LMX1A: variants seen among roughly 807,000 people sequenced by gnomAD.
LMX1A encodes LIM homeobox transcription factor 1-alpha.
Under a neutral mutation model 49.1 loss-of-function variants are expected in LMX1A, and 15 were observed. The observed-to-expected ratio is 0.31, with a 90% confidence interval of 0.20 to 0.47. LMX1A has a LOEUF of 0.47. Among genes scored for constraint, LMX1A ranks in the 20% least tolerant of loss-of-function variants. LMX1A has a pLI of 1.00. For missense variants in LMX1A, 372 were observed against 475.8 expected, an observed-to-expected ratio of 0.78 and a Z score of 2.03; for synonymous variants, 167 against 185.7, an observed-to-expected ratio of 0.90 and a Z score of 0.82.
chr1:165,309,071 A>C (rs1654999784), intron 3 of LMX1A, among the ~76,000 whole-genome samples: 1 of 152,082 alleles, frequency 6.6e-6, no homozygotes, highest in African/African-American at 2.4e-5. Context: ...GTCCTGAGTC[A>C]AGACATTCCT....
chr1:165,293,954 A>T (rs1423981056), intron 3 of LMX1A, among the ~76,000 whole-genome samples: 1 of 152,238 alleles, frequency 6.6e-6, no homozygotes, highest in Non-Finnish European at 1.5e-5. Flanking sequence ...CATATGCTGG[A>T]TACTAAGGAA....
chr1:165,284,633 T>C (rs1429748056), intron 3 of LMX1A, among the ~76,000 whole-genome samples: 1 of 152,242 alleles, frequency 6.6e-6, no homozygotes, highest in Non-Finnish European at 1.5e-5. Flanking sequence ...GATTAGAATA[T>C]GCCCACAGGG....
At chr1:165,335,689 T>A (rs1386531205) in intron 3 of LMX1A, among the ~76,000 whole-genome samples, 1 of 152,208 alleles carries the variant, frequency 6.6e-6, no homozygotes, top group Non-Finnish European at 1.5e-5. Context: ...ATGTACCAAA[T>A]AAATACTGGA....
At chr1:165,240,278 C>T (rs1420756166) in intron 4 of LMX1A, among the ~76,000 whole-genome samples, 2 of 151,760 alleles carry the variant, frequency 1.3e-5, no homozygotes, top group African/African-American at 4.8e-5. Flanking sequence ...TATTTCTTCA[C>T]AAATATGTTT....
chr1:165,292,515 C>T lies in LMX1A; in HGVS notation c.264-42875G>A, dbSNP rs1293681001. 2.0e-5 allele frequency among the ~76,000 whole-genome samples: 3 copies of T among 152,122 alleles called. 1 individual carries two copies. Among genetic ancestry groups the T allele is most frequent in the African/African-American group, 7.2e-5 (3 of 41,428 alleles). ...TGGAGAAGAGCAGGTGGCTTCCAACCGGGAGGGTCACCTGTGCGGCAGGAT... is the reference window on the plus strand; with the variant it reads ...TGGAGAAGAGCAGGTGGCTTCCAACTGGGAGGGTCACCTGTGCGGCAGGAT... On this transcript the variant is annotated intron_variant, in intron 3 of 8. Coordinates refer to ENST00000342310, the MANE Select transcript of LMX1A (RefSeq NM_177398.4).
intron 4 of LMX1A, among the ~76,000 whole-genome samples, chr1:165,247,705 T>C (rs1193199644): frequency 6.6e-6 from 1 of 152,222 alleles, no homozygotes; most frequent in Non-Finnish European, 1.5e-5. Context: ...AGCACCCACA[T>C]TTATTGAACA....
At chr1:165,214,710 A>G (rs1304817999) in intron 4 of LMX1A, among the ~76,000 whole-genome samples, 1 of 152,244 alleles carries the variant, frequency 6.6e-6, no homozygotes, top group East Asian at 1.9e-4. Context: ...CCATAGAGAA[A>G]AGCATTAGAT....
chr1:165,348,609 C>CA, intron 3 of LMX1A, among the ~76,000 whole-genome samples: 2 of 152,156 alleles, frequency 1.3e-5, no homozygotes, highest in Middle Eastern at 3.4e-3. Context: ...TAAAGTAAAG[C>CA]AAAAATGTAA....
intron 4 of LMX1A, among the ~76,000 whole-genome samples, chr1:165,221,402 C>T (rs947318780): frequency 5.9e-5 from 9 of 152,092 alleles, no homozygotes; most frequent in African/African-American, 1.2e-4. Flanking sequence ...CCCCAACTCC[C>T]CCCAACTATC....
chr1:165,330,566 G>A (rs776310210), intron 3 of LMX1A, among the ~76,000 whole-genome samples: 12 of 152,274 alleles, frequency 7.9e-5, no homozygotes, highest in South Asian at 4.1e-4. Context: ...ATTACAAACC[G>A]TAGACAAAAT....
Position 165,355,455 on chromosome 1 carries a change from C to CACGCCAA in LMX1A, c.76+28_76+29insTTGGCGT. On this transcript the variant is annotated intron_variant, in intron 2 of 8. Transcript: ENST00000342310. The surrounding 1 kb of genome is among the most constrained non-coding windows in gnomAD (Gnocchi z 4.7). ...CTCAGCGCCAAGCGGAAAGAGAGTG[C>CACGCCAA]GCCCAGGACGCACGGCCTGAACACT... is the stretch of plus-strand genomic sequence containing the variant. 6.2e-7 allele frequency: 1 copy of CACGCCAA among 1,609,414 alleles called. No individual in the cohort carries two copies. The highest frequency in any genetic ancestry group is 2.2e-5 in the East Asian group (1 of 44,818).
chr1:165,242,942 A>AC (rs1557860827), intron 4 of LMX1A, among the ~76,000 whole-genome samples: 1 of 151,368 alleles, frequency 6.6e-6, no homozygotes, highest in Non-Finnish European at 1.5e-5. Context: ...AAAAAAAAAA[A>AC]AAAAACAAAA....
chr1:165,308,513 T>C (rs1379288515), intron 3 of LMX1A, among the ~76,000 whole-genome samples: 1 of 152,224 alleles, frequency 6.6e-6, no homozygotes, highest in African/African-American at 2.4e-5. Context: ...AGGAAAGACA[T>C]TGAATCTCTT....
In LMX1A at chr1:165,355,820, A is replaced by C; in HGVS notation, c.-22-239T>G. The C allele has an allele frequency of 2.0e-6, 1 of 499,110 alleles. No homozygotes were observed. The highest frequency in any genetic ancestry group is 2.9e-5 in the South Asian group (1 of 34,444). 30.9% of individuals were successfully genotyped at this position (499,110 alleles called of 1,614,324 possible). A position where few individuals can be genotyped will look rare whatever the true frequency, so the allele number is the denominator to read the frequency against. On this transcript the variant is annotated intron_variant, in intron 1 of 8. Transcript: ENST00000342310. The surrounding 1 kb of genome is among the most constrained non-coding windows in gnomAD (Gnocchi z 4.7). Reference sequence around the variant, plus strand: ...TTATGTACTTAGGCCTCCGCCCCCCAACTGCGTTTCTCCTTCTCCTGCCCC... The same window carrying C: ...TTATGTACTTAGGCCTCCGCCCCCCCACTGCGTTTCTCCTTCTCCTGCCCC...
At chr1:165,233,784 G>T (rs898679935) in intron 4 of LMX1A, among the ~76,000 whole-genome samples, 1 of 152,184 alleles carries the variant, frequency 6.6e-6, no homozygotes, top group Admixed American at 6.5e-5. Context: ...ATGGGCAGGT[G>T]CTTTGCCTGT....
intron 3 of LMX1A, among the ~76,000 whole-genome samples, chr1:165,270,851 T>C (rs949843870): frequency 2.0e-5 from 3 of 152,158 alleles, no homozygotes; most frequent in African/African-American, 7.2e-5. Flanking sequence ...GGATCCCGTA[T>C]CCCAATGCCT....
At chr1:165,236,929 TA>T (rs1652470288) in intron 4 of LMX1A, among the ~76,000 whole-genome samples, 1 of 151,590 alleles carries the variant, frequency 6.6e-6, no homozygotes, top group African/African-American at 2.4e-5. Flanking sequence ...AAGAATATAA[TA>T]TTGTTTATCC....
chr1:165,341,975 G>C (rs1328245199), intron 3 of LMX1A, among the ~76,000 whole-genome samples: 1 of 152,192 alleles, frequency 6.6e-6, no homozygotes, highest in Non-Finnish European at 1.5e-5. Flanking sequence ...AGTTGCTCAT[G>C]TGTTACCTGA....
chr1:165,326,423 T>C (rs988527358), intron 3 of LMX1A, among the ~76,000 whole-genome samples: 7 of 152,234 alleles, frequency 4.6e-5, no homozygotes, highest in African/African-American at 1.7e-4. Context: ...CTCTCTCTCC[T>C]GCTTTCTTTC....
Sources: allele counts gnomAD v4.1 joint callset (sites outside exome capture counted in the v4.1 genomes callset), GRCh38; gene constraint gnomAD v4.1.1; non-coding constraint Gnocchi (gnomAD v3.1); transcripts MANE v1.5; gene names NCBI Gene and HGNC (gene_info 2026-07-23, HGNC 2026-07-21).